Variants in HMGN5 observed in about 807,000 individuals in gnomAD.
HMGN5 encodes the protein high mobility group nucleosome-binding domain-containing protein 5.
Under a neutral mutation model 9.5 loss-of-function variants are expected in HMGN5, and 4 were observed. That is an observed-to-expected ratio of 0.42 (90% CI 0.21 to 0.96). The LOEUF (loss-of-function observed/expected upper bound fraction) is 0.96. HMGN5 is among the 40% of genes least tolerant of loss of function. HMGN5 has a pLI of 0.30. For missense variants in HMGN5, 192 were observed against 187.5 expected (o/e 1.02, Z -0.14); for synonymous variants, 55 against 57.1 (o/e 0.96, Z 0.16).
intron 1 of HMGN5, among the ~76,000 whole-genome samples, chrX:81,178,631 A>T (rs1305062717): frequency 8.9e-6 from 1 of 112,047 alleles, no homozygotes; most frequent in Non-Finnish European, 1.9e-5. Flanking sequence ...TACAAAGAGG[A>T]GCTGGTACCA....
intron 1 of HMGN5, among the ~76,000 whole-genome samples, chrX:81,193,282 A>G (rs1273622147): frequency 8.9e-6 from 1 of 112,138 alleles, no homozygotes; most frequent in African/African-American, 3.2e-5. Flanking sequence ...GCCATGAGAA[A>G]GTCATGTGGT....
chrX:81,133,940 A>G (rs1263328784), intron 1 of HMGN5, among the ~76,000 whole-genome samples: 1 of 111,571 alleles, frequency 9.0e-6, no homozygotes, highest in Non-Finnish European at 1.9e-5. Flanking sequence ...TTTCAAATAA[A>G]TTTTTAAATA....
chrX:81,180,770 A>C (rs2075460466), intron 1 of HMGN5, among the ~76,000 whole-genome samples: 1 of 111,882 alleles, frequency 8.9e-6, no homozygotes, highest in Non-Finnish European at 1.9e-5. Flanking sequence ...TTGCAGCACT[A>C]TTCACAATAG....
chrX:81,150,452 C>G (rs965528591), intron 1 of HMGN5, among the ~76,000 whole-genome samples: 1 of 110,845 alleles, frequency 9.0e-6, no homozygotes, highest in Non-Finnish European at 1.9e-5. Context: ...GTAATCTCAG[C>G]CACTAGGGAG....
intron 1 of HMGN5, among the ~76,000 whole-genome samples, chrX:81,157,785 A>C (rs2075387043): frequency 9.0e-6 from 1 of 110,888 alleles, no homozygotes; most frequent in Admixed American, 9.6e-5. Context: ...AGGTAAAATA[A>C]ATTTTTTTTT....
At position 81,141,200 on chromosome X, in the gene HMGN5, A is replaced by G. The variant is rs143735521; in HGVS notation, c.-123-19528T>C. 8.7e-3 allele frequency among the ~76,000 whole-genome samples: 977 copies of G among 111,893 alleles called. 7 individuals are homozygous for G. The highest frequency in any genetic ancestry group is 0.019 in the Middle Eastern group (4 of 216). Reference sequence around the variant, plus strand: ...TTTGAATCTAGTCCCTGACTCCCAGATAGCACCTCTGGATTCACCCAGTGC... The same window carrying G: ...TTTGAATCTAGTCCCTGACTCCCAGGTAGCACCTCTGGATTCACCCAGTGC... On this transcript the variant is annotated intron_variant, in intron 1 of 6. Transcript: ENST00000358130.
At chrX:81,153,000 TGGG>T (rs1336911453) in intron 1 of HMGN5, among the ~76,000 whole-genome samples, 1 of 33,564 alleles carries the variant, frequency 3.0e-5, no homozygotes, top group Non-Finnish European at 4.9e-5. Context: ...TGTTGTGGGG[TGGG>T]GGGAGGGGGG....
chrX:81,167,713 A>G (rs1319641375), intron 1 of HMGN5, among the ~76,000 whole-genome samples: 1 of 112,259 alleles, frequency 8.9e-6, no homozygotes, highest in East Asian at 2.8e-4. Flanking sequence ...TAAGCCAGGA[A>G]TTAAGTTATA....
At chrX:81,190,489 A>G (rs1258931941) in intron 1 of HMGN5, among the ~76,000 whole-genome samples, 1 of 110,589 alleles carries the variant, frequency 9.0e-6, no homozygotes, top group East Asian at 2.8e-4. Context: ...TTCTTCCCAA[A>G]CCCTCACCAC....
chrX:81,183,995 G>A (rs1212466599), intron 1 of HMGN5, among the ~76,000 whole-genome samples: 2 of 111,887 alleles, frequency 1.8e-5, no homozygotes, highest in Non-Finnish European at 3.8e-5. Context: ...GTTAATGCTG[G>A]AATGAGTTAA....
In HMGN5 at chrX:81,114,538, A is replaced by C; in HGVS notation, c.*111T>G. 1 of 676,307 alleles carries C rather than the reference A, an allele frequency of 1.5e-6. No homozygotes were observed. Among genetic ancestry groups the C allele is most frequent in the Non-Finnish European group, 2.0e-6 (1 of 497,640 alleles). 55.7% of individuals were successfully genotyped at this position (676,307 alleles called of 1,213,427 possible). A position where few individuals can be genotyped will look rare whatever the true frequency, so the allele number is the denominator to read the frequency against. ...TATGAAGATGTTCTGAAATTAAATC[A>C]ATGCTAAAGAAAGGCTGTGTTTATA... On this transcript the variant is annotated 3_prime_UTR_variant, in exon 7 of 7. Coordinates refer to ENST00000358130, the MANE Select transcript of HMGN5 (RefSeq NM_030763.3).
intron 1 of HMGN5, among the ~76,000 whole-genome samples, chrX:81,122,727 A>G (rs1213961279): frequency 8.9e-6 from 1 of 112,060 alleles, no homozygotes; most frequent in African/African-American, 3.2e-5. Flanking sequence ...GAATGTCTCC[A>G]TAGCGTCACT....
intron 1 of HMGN5, among the ~76,000 whole-genome samples, chrX:81,176,843 G>C (rs2075443556): frequency 9.0e-6 from 1 of 111,645 alleles, no homozygotes; most frequent in Admixed American, 9.5e-5. Flanking sequence ...ATGGGACCAA[G>C]TTGGAAAACA....
rs2075248899 is a variant in HMGN5 at position 81,114,966 on chromosome X, T to C, written c.532A>G (p.Lys178Glu). The C allele has an allele frequency of 8.7e-7, 1 of 1,154,379 alleles. No individual in the cohort carries two copies. The highest frequency in any genetic ancestry group is 1.8e-5 in the African/African-American group (1 of 54,529). The part of the protein sequence containing the change: ...EDAKEKEDGK[K>E]GEDGKGNGED... ...CCATTTCCTTTTCCGTCTTCACCTT[T>C]TTTTCCATCTTCTTTCTCTTTTGCA... The change falls in exon 7 of 7, where the codon AAA becomes GAA. Residue 178 changes from lysine (K) to glutamate (E), a missense_variant. By Grantham distance (56) the Lys-to-Glu change is moderately conservative. Coordinates refer to ENST00000358130, the MANE Select transcript of HMGN5 (RefSeq NM_030763.3).
intron 1 of HMGN5, among the ~76,000 whole-genome samples, chrX:81,178,940 A>G (rs10442533): frequency 0.019 from 2,117 of 111,726 alleles, 48 homozygotes; most frequent in African/African-American, 0.065. Context: ...AACAGAACCA[A>G]TGACAAAAAC....
intron 1 of HMGN5, among the ~76,000 whole-genome samples, chrX:81,198,698 C>A (rs1268283948): frequency 9.0e-6 from 1 of 111,645 alleles, no homozygotes; most frequent in African/African-American, 3.3e-5. Flanking sequence ...TAAAAACTCT[C>A]AATAAACTAG....
chrX:81,200,880 T>C (rs1212728813), intron 1 of HMGN5, among the ~76,000 whole-genome samples: 1 of 111,535 alleles, frequency 9.0e-6, no homozygotes, highest in Admixed American at 9.4e-5. Flanking sequence ...GAAGGTGGCC[T>C]CTGGAGTTCC....
chrX:81,125,227 C>T (rs1359761071), intron 1 of HMGN5, among the ~76,000 whole-genome samples: 1 of 109,977 alleles, frequency 9.1e-6, no homozygotes, highest in African/African-American at 3.3e-5. Flanking sequence ...TCATGCAACA[C>T]CATTATTATT....
In HMGN5 at chrX:81,118,602, C is replaced by G; in HGVS notation, c.76-117G>C. On this transcript the variant is annotated intron_variant, in intron 4 of 6. Transcript: ENST00000358130. ...TAAATGAGTATTAGGAAAAAAAATA[C>G]ATTTCCTTGGTGTGAAAGTTTTTCT... is the stretch of plus-strand genomic sequence containing the variant. 4.9e-6 allele frequency: 4 copies of G among 809,989 alleles called. No individual in the cohort carries two copies. The Admixed American group carries it at 1.3e-4, about 27-fold the overall frequency. The allele number at this position is 809,989 out of a possible 1,213,427, so 66.8% of individuals were successfully genotyped here. A position where few individuals can be genotyped will look rare whatever the true frequency, so the allele number is the denominator to read the frequency against.
Sources: gnomAD v4.1 joint callset for allele counts (sites outside exome capture counted in the v4.1 genomes callset) on GRCh38, gnomAD v4.1.1 for gene constraint, MANE v1.5 for transcripts, NCBI Gene and HGNC (gene_info 2026-07-23, HGNC 2026-07-21) for gene names.